Variants in ENTREP2 observed in about 807,000 individuals in gnomAD.
ENTREP2 encodes protein ENTREP2.
the ENTREP2 span, among the ~76,000 whole-genome samples, chr15:29,298,301 G>C: frequency 6.6e-6 from 1 of 151,756 alleles, no homozygotes; most frequent in South Asian, 2.1e-4. Context: ...GAAAATTAAT[G>C]ACCTAAGCAT....
chr15:29,419,636 A>G, the ENTREP2 span, among the ~76,000 whole-genome samples: 1 of 152,334 alleles, frequency 6.6e-6, no homozygotes, highest in Non-Finnish European at 1.5e-5. Flanking sequence ...TAAGCTGGCC[A>G]TTTACACAAA....
chr15:29,244,886 C>T, the ENTREP2 span, among the ~76,000 whole-genome samples: 1 of 152,164 alleles, frequency 6.6e-6, no homozygotes, highest in Non-Finnish European at 1.5e-5. Flanking sequence ...TGGTGGGTCA[C>T]TAAGAGCTTC....
the ENTREP2 span, among the ~76,000 whole-genome samples, chr15:29,373,134 C>T: frequency 4.0e-5 from 6 of 150,762 alleles, no homozygotes; most frequent in African/African-American, 1.5e-4. Flanking sequence ...ATATTAGTCA[C>T]TTAAAACAGA....
the ENTREP2 span, among the ~76,000 whole-genome samples, chr15:29,519,360 G>GC: frequency 6.6e-6 from 1 of 151,014 alleles, no homozygotes; most frequent in Middle Eastern, 3.2e-3. Context: ...CTCTCCTGCT[G>GC]CCCCTCCTAC....
the ENTREP2 span, among the ~76,000 whole-genome samples, chr15:29,594,071 TA>T: frequency 6.6e-6 from 1 of 152,122 alleles, no homozygotes; most frequent in Non-Finnish European, 1.5e-5. Flanking sequence ...TTGCAACTTC[TA>T]GTGAATCTAT....
At chr15:29,642,548 T>C in the ENTREP2 span, among the ~76,000 whole-genome samples, 3 of 147,642 alleles carry the variant, frequency 2.0e-5, no homozygotes, top group African/African-American at 7.4e-5. Context: ...TATGTACATA[T>C]ATACACATAT....
chr15:29,136,351 G>A, the ENTREP2 span: 9 of 1,480,866 alleles, frequency 6.1e-6, no homozygotes, highest in East Asian at 2.6e-5. Context: ...CTTTGTCTGG[G>A]GCCCCAGGCC....
chr15:29,276,493 A>G, the ENTREP2 span, among the ~76,000 whole-genome samples: 1 of 152,204 alleles, frequency 6.6e-6, no homozygotes, highest in East Asian at 1.9e-4. Flanking sequence ...GGCCAGACAC[A>G]GTGACTGGTT....
At chr15:29,266,319 T>C in the ENTREP2 span, 2 of 152,156 alleles carry the variant, frequency 1.3e-5, no homozygotes, top group Non-Finnish European at 2.9e-5. Flanking sequence ...GGTGGAGGGA[T>C]TGGTAAACAA....
At chr15:29,328,535 GAC>G in the ENTREP2 span, among the ~76,000 whole-genome samples, 1 of 152,192 alleles carries the variant, frequency 6.6e-6, no homozygotes, top group Non-Finnish European at 1.5e-5. Context: ...AAAAGGTGCT[GAC>G]TTAAGTAACT....
At chr15:29,144,941 A>T in the ENTREP2 span, among the ~76,000 whole-genome samples, 1 of 152,168 alleles carries the variant, frequency 6.6e-6, no homozygotes, top group Non-Finnish European at 1.5e-5. Flanking sequence ...CTGTAATCCC[A>T]GCTACTAAGG....
chr15:29,193,628 A>G, the ENTREP2 span, among the ~76,000 whole-genome samples: 1 of 152,166 alleles, frequency 6.6e-6, no homozygotes, highest in Non-Finnish European at 1.5e-5. Flanking sequence ...TGGTAATGTG[A>G]GCAATTCTTT....
At chr15:29,211,873 G>A in the ENTREP2 span, among the ~76,000 whole-genome samples, 4 of 152,080 alleles carry the variant, frequency 2.6e-5, no homozygotes, top group Admixed American at 6.5e-5. Context: ...GTTGGATTTG[G>A]TTAGCTAATA....
At chr15:29,201,213 C>T in the ENTREP2 span, among the ~76,000 whole-genome samples, 1 of 152,096 alleles carries the variant, frequency 6.6e-6, no homozygotes, top group Non-Finnish European at 1.5e-5. Flanking sequence ...TCATGTCATC[C>T]ACAAACAGAG....
At chr15:29,634,931 G>A in the ENTREP2 span, among the ~76,000 whole-genome samples, 5 of 152,090 alleles carry the variant, frequency 3.3e-5, no homozygotes, top group Admixed American at 6.5e-5. Flanking sequence ...GAAGCTCCCC[G>A]TGTTCAGCCA....
the ENTREP2 span, among the ~76,000 whole-genome samples, chr15:29,642,779 A>G: frequency 3.9e-5 from 6 of 152,026 alleles, no homozygotes; most frequent in Admixed American, 3.9e-4. Flanking sequence ...CACACGGCTA[A>G]TTTTTTGTAT....
chr15:29,162,082 C>T, the ENTREP2 span, among the ~76,000 whole-genome samples: 1 of 152,138 alleles, frequency 6.6e-6, no homozygotes, highest in Non-Finnish European at 1.5e-5. Context: ...GAGAAGTTTC[C>T]GACCTTACCT....
the ENTREP2 span, among the ~76,000 whole-genome samples, chr15:29,191,168 A>C: frequency 5.4e-4 from 83 of 152,306 alleles, no homozygotes; most frequent in African/African-American, 1.9e-3. Context: ...TTATATTAAA[A>C]ATGACTGCAC....
At chr15:29,612,456 T>A in the ENTREP2 span, 1 of 151,678 alleles carries the variant, frequency 6.6e-6, no homozygotes. Flanking sequence ...TCAAATCTTA[T>A]TCCTCCAGCC....
Sources: gnomAD v4.1 joint callset for allele counts (sites outside exome capture counted in the v4.1 genomes callset) on GRCh38, gnomAD v4.1.1 for gene constraint, MANE v1.5 for transcripts, NCBI Gene and HGNC (gene_info 2026-07-23, HGNC 2026-07-21) for gene names.